The following TECRL variants were observed in gnomAD, a reference collection of about 807,000 sequenced individuals.
The protein encoded by TECRL is trans-2,3-enoyl-CoA reductase-like.
Under a neutral mutation model 52.8 loss-of-function variants are expected in TECRL, and 63 were observed. The ratio of observed to expected loss-of-function variants is 1.19; its 90% CI spans 0.97 to 1.47. The LOEUF is 1.47. TECRL is among the 40% of genes most tolerant of loss of function. The probability of loss-of-function intolerance (pLI) is 0.00; values close to 1 mark genes in which losing one functional copy is unlikely to be tolerated. For synonymous variants in TECRL, 164 were observed against 141.9 expected (o/e 1.16, Z -1.10); for missense variants, 482 against 429.6 (o/e 1.12, Z -1.08).
chr4:64,406,147 G>GGT (rs1553923373), intron 1 of TECRL, among the ~76,000 whole-genome samples: 17 of 146,642 alleles, frequency 1.2e-4, no homozygotes, highest in East Asian at 8.1e-4. Flanking sequence ...TTATTTGTTA[G>GGT]GCGCGCGCGC....
At chr4:64,356,978 A>C (rs1384978224) in intron 2 of TECRL, among the ~76,000 whole-genome samples, 1 of 152,192 alleles carries the variant, frequency 6.6e-6, no homozygotes, top group Non-Finnish European at 1.5e-5. Flanking sequence ...CTATAGTAGA[A>C]AAGGTAAATA....
chr4:64,284,865 G>A (rs145840544), intron 9 of TECRL, among the ~76,000 whole-genome samples: 5 of 152,206 alleles, frequency 3.3e-5, no homozygotes, highest in African/African-American at 4.8e-5. Flanking sequence ...GTATTGGAAC[G>A]TGAATCAGTT....
chr4:64,345,566 G>A (rs1324807264), intron 2 of TECRL, among the ~76,000 whole-genome samples: 1 of 105,272 alleles, frequency 9.5e-6, no homozygotes, highest in African/African-American at 3.7e-5. Context: ...GGGGGGAGGG[G>A]GGAGGGATAG....
At chr4:64,284,579 A>C (rs1210754762) in intron 9 of TECRL, among the ~76,000 whole-genome samples, 1 of 152,048 alleles carries the variant, frequency 6.6e-6, no homozygotes, top group Non-Finnish European at 1.5e-5. Context: ...AGTGAACGGG[A>C]TTAAAGGACC....
intron 2 of TECRL, among the ~76,000 whole-genome samples, chr4:64,366,166 A>T (rs181635818): frequency 1.9e-4 from 29 of 152,292 alleles, no homozygotes; most frequent in Admixed American, 1.8e-3. Context: ...CGGCACATGG[A>T]TAACTGGCTA....
chr4:64,406,855 G>T (rs10009013), intron 1 of TECRL, among the ~76,000 whole-genome samples: 93,091 of 151,662 alleles, frequency 0.61, 31,484 homozygotes, highest in Non-Finnish European at 0.76. Context: ...CATTTCTTTT[G>T]TACACTGGGT....
chr4:64,304,902 T>C (rs1724236987), intron 7 of TECRL: 1 of 253,246 alleles, frequency 3.9e-6, no homozygotes. Flanking sequence ...TCTTTAATTG[T>C]TGTTTTTTCA....
intron 2 of TECRL, among the ~76,000 whole-genome samples, chr4:64,345,933 A>AAAAAAAAAAAT (rs1553915301): frequency 6.8e-6 from 1 of 147,382 alleles, no homozygotes; most frequent in Non-Finnish European, 1.5e-5. Context: ...AAAAAAAAAC[A>AAAAAAAAAAAT]TTTATCATAT....
In TECRL at chr4:64,328,560, T is replaced by A. The variant is rs768575047; in HGVS notation, c.287-4A>T. Reference sequence around the variant, plus strand: ...CGAGAAGGGTACCACTTTGGACCTATTCAATGAAAAATAACATTTAATTGT... The same window carrying A: ...CGAGAAGGGTACCACTTTGGACCTAATCAATGAAAAATAACATTTAATTGT... On this transcript the variant is annotated splice_polypyrimidine_tract_variant and splice_region_variant and intron_variant, in intron 2 of 11. Coordinates refer to ENST00000381210, the MANE Select transcript of TECRL (RefSeq NM_001010874.5). 2 of 1,608,622 alleles carry A rather than the reference T, an allele frequency of 1.2e-6. No homozygotes were observed. The highest frequency in any genetic ancestry group is 2.7e-5 in the African/African-American group (2 of 74,772).
intron 2 of TECRL, among the ~76,000 whole-genome samples, chr4:64,364,622 C>T (rs1601082): frequency 0.89 from 134,670 of 151,934 alleles, 60,645 homozygotes; most frequent in East Asian, 1. Flanking sequence ...CTATTACAAA[C>T]ACCTATGTGC....
At chr4:64,371,099 C>A (rs1721943037) in intron 2 of TECRL, among the ~76,000 whole-genome samples, 1 of 151,604 alleles carries the variant, frequency 6.6e-6, no homozygotes. Flanking sequence ...TCCATTATAA[C>A]TGATGGATGG....
intron 2 of TECRL, among the ~76,000 whole-genome samples, chr4:64,354,654 A>G (rs577881466): frequency 1.3e-5 from 2 of 152,304 alleles, no homozygotes; most frequent in East Asian, 3.9e-4. Flanking sequence ...ATAAGGTTAG[A>G]TGGAATGGGG....
At chr4:64,407,060 A>T (rs1234938182) in intron 1 of TECRL, among the ~76,000 whole-genome samples, 1 of 151,998 alleles carries the variant, frequency 6.6e-6, no homozygotes, top group Non-Finnish European at 1.5e-5. Flanking sequence ...GAAGTGTCTC[A>T]CCACTATTAT....
chr4:64,298,553 AG>A (rs140223364), intron 8 of TECRL, among the ~76,000 whole-genome samples: 1 of 151,328 alleles, frequency 6.6e-6, no homozygotes, highest in East Asian at 1.9e-4. Flanking sequence ...ACTTATTAAA[AG>A]TTTTATTTTA....
chr4:64,380,283 A>G (rs1722694319), intron 1 of TECRL, among the ~76,000 whole-genome samples: 1 of 151,916 alleles, frequency 6.6e-6, no homozygotes, highest in African/African-American at 2.4e-5. Flanking sequence ...GAATTGAGGT[A>G]TTTTAGTTGC....
At position 64,388,862 on chromosome 4, in the gene TECRL, A is replaced by G. The variant is rs1723358004; in HGVS notation, c.235-13639T>C. 1.3e-5 allele frequency among the ~76,000 whole-genome samples: 2 copies of G among 151,896 alleles called. 1 individual carries two copies. The highest frequency in any genetic ancestry group is 4.1e-4 in the South Asian group (2 of 4,832). ...AATAACAATTACACATGATTGTTTT[A>G]TATATAATTTTGAATTGCTCTTATT... On this transcript the variant is annotated intron_variant, in intron 1 of 11. Coordinates refer to ENST00000381210, the MANE Select transcript of TECRL (RefSeq NM_001010874.5).
intron 2 of TECRL, among the ~76,000 whole-genome samples, chr4:64,341,477 G>A (rs920530459): frequency 2.0e-5 from 3 of 152,042 alleles, no homozygotes; most frequent in Non-Finnish European, 4.4e-5. Context: ...GCACATTCCT[G>A]TAATCTCAGC....
At chr4:64,293,534 T>C (rs973003221) in intron 8 of TECRL, among the ~76,000 whole-genome samples, 1 of 152,200 alleles carries the variant, frequency 6.6e-6, no homozygotes, top group Non-Finnish European at 1.5e-5. Flanking sequence ...GCTCATCTTT[T>C]ACTGTTAAGC....
intron 6 of TECRL, among the ~76,000 whole-genome samples, chr4:64,309,269 T>C (rs915906836): frequency 6.6e-6 from 1 of 152,144 alleles, no homozygotes; most frequent in African/African-American, 2.4e-5. Context: ...AGACTTTAAA[T>C]TGAAAAACAA....
Sources: gnomAD v4.1 joint callset for allele counts (sites outside exome capture counted in the v4.1 genomes callset) on GRCh38, gnomAD v4.1.1 for gene constraint, MANE v1.5 for transcripts, NCBI Gene and HGNC (gene_info 2026-07-23, HGNC 2026-07-21) for gene names.